The following PPFIBP1 variants were observed in gnomAD, a reference collection of about 807,000 sequenced individuals.
PPFIBP1 encodes PPFIB scaffold protein 1, also known as liprin-beta-1.
PPFIBP1 carries 112 observed loss-of-function variants against 137.8 expected under a neutral mutation model. The observed-to-expected ratio is 0.81, with a 90% CI of 0.70 to 0.95. PPFIBP1 has a LOEUF of 0.95. Among genes scored for constraint, PPFIBP1 ranks in the 40% least tolerant of loss-of-function variants. The probability of loss-of-function intolerance (pLI) is 0.00; values close to 1 mark genes in which losing one functional copy is unlikely to be tolerated. For synonymous variants in PPFIBP1, 378 were observed against 417.3 expected, an observed-to-expected ratio of 0.91 and a Z score of 1.15; for missense variants, 1,083 against 1,196.6, an observed-to-expected ratio of 0.91 and a Z score of 1.40.
At chr12:27,620,399 T>G (rs190653619) in intron 2 of PPFIBP1, among the ~76,000 whole-genome samples, 148 of 152,258 alleles carry the variant, frequency 9.7e-4, no homozygotes, top group African/African-American at 3.4e-3. Flanking sequence ...TACATGAAGC[T>G]CTCCCTTCTA....
intron 19 of PPFIBP1, 81 bp downstream of exon 19, chr12:27,677,177 C>G (rs2060571467): frequency 6.5e-7 from 1 of 1,533,018 alleles, no homozygotes; most frequent in Non-Finnish European, 9.0e-7. Context: ...TCTGTGATCT[C>G]TAGAAAGCGA....
At chr12:27,620,401 T>C (rs772634567) in intron 2 of PPFIBP1, among the ~76,000 whole-genome samples, 21 of 152,314 alleles carry the variant, frequency 1.4e-4, no homozygotes, top group East Asian at 1.9e-4. Context: ...CATGAAGCTC[T>C]CCCTTCTAGG....
intron 1 of PPFIBP1, among the ~76,000 whole-genome samples, chr12:27,534,694 A>G (rs1332090830): frequency 1.3e-5 from 2 of 152,200 alleles, no homozygotes; most frequent in East Asian, 3.8e-4. Context: ...GTGGTGAGAG[A>G]CAACTGGTTT....
At chr12:27,578,291 C>T (rs1337479816) in intron 2 of PPFIBP1, 52 bp downstream of exon 2, 2 of 152,190 alleles carry the variant, frequency 1.3e-5, no homozygotes, top group Non-Finnish European at 2.9e-5. Flanking sequence ...CTAAAACCTG[C>T]AATTTCCTCT....
Position 27,669,081 on chromosome 12 carries a change from T to C in PPFIBP1, c.1146+1761T>C, listed in dbSNP as rs546797577. Among the ~76,000 whole-genome samples the C allele has an allele frequency of 1.1e-4, 16 of 152,340 alleles. No individual in the cohort carries two copies. The South Asian group carries it at 3.3e-3, about 32-fold the overall frequency. ...ATTTTAGCAGTTCCTTTTTTGGTCA[T>C]TTCTCTTCTCACATTTTACTATAGG... On this transcript the variant is annotated intron_variant, in intron 13 of 29. Transcript: ENST00000228425.
rs56856599 is a variant in PPFIBP1, at chr12:27,693,294, G to A, written c.*412G>A. ...CATTATATGATTTCAGAATCAATAT[G>A]TGGAACTTCTTTAAGCATTCAGTGT... On this transcript the variant is annotated 3_prime_UTR_variant, in exon 30 of 30. Transcript: ENST00000228425. 3,778 of 155,712 alleles carry A rather than the reference G, an allele frequency of 0.024. 144 individuals are homozygous for A. The highest frequency in any genetic ancestry group is 0.086 in the African/African-American group (3,564 of 41,556). 9.6% of individuals were successfully genotyped at this position (155,712 alleles called of 1,614,324 possible). A position where few individuals can be genotyped will look rare whatever the true frequency, so the allele number is the denominator to read the frequency against.
intron 12 of PPFIBP1, among the ~76,000 whole-genome samples, chr12:27,664,893 A>G (rs1311359198): frequency 1.3e-5 from 2 of 152,180 alleles, no homozygotes; most frequent in Non-Finnish European, 2.9e-5. Flanking sequence ...GAAGGGTTTT[A>G]AAAGTCAGCA....
intron 2 of PPFIBP1, among the ~76,000 whole-genome samples, chr12:27,582,055 T>C (rs562793332): frequency 2.6e-4 from 40 of 152,176 alleles, no homozygotes; most frequent in African/African-American, 9.6e-4. Context: ...GCCATAGCAG[T>C]CTTTTCATTC....
At chr12:27,555,510 TC>T (rs2048637396) in intron 1 of PPFIBP1, among the ~76,000 whole-genome samples, 1 of 152,202 alleles carries the variant, frequency 6.6e-6, no homozygotes, top group African/African-American at 2.4e-5. Flanking sequence ...CAGTTATTTT[TC>T]CCCCTGATAT....
intron 1 of PPFIBP1, among the ~76,000 whole-genome samples, chr12:27,542,333 C>T (rs903890479): frequency 4.6e-5 from 7 of 152,060 alleles, no homozygotes; most frequent in Admixed American, 3.3e-4. Flanking sequence ...TTAGCATCTG[C>T]GGATTTGGGT....
At chr12:27,647,592 T>TAC (rs1220504577) in intron 5 of PPFIBP1, 137 bp from the exon 6 acceptor site, 10 of 559,644 alleles carry the variant, frequency 1.8e-5, no homozygotes, top group Non-Finnish European at 3.2e-5. Context: ...GTCTTCTTGG[T>TAC]ACTTCTCAGA....
intron 2 of PPFIBP1, among the ~76,000 whole-genome samples, chr12:27,618,276 C>G (rs148805297): frequency 1.3e-5 from 2 of 152,184 alleles, no homozygotes; most frequent in Admixed American, 1.3e-4. Context: ...CTCCTCTCGG[C>G]CAAGGGCATT....
intron 1 of PPFIBP1, among the ~76,000 whole-genome samples, chr12:27,572,349 A>G (rs2050218955): frequency 6.6e-6 from 1 of 152,188 alleles, no homozygotes; most frequent in South Asian, 2.1e-4. Context: ...GTTTACTTTT[A>G]TATAAAACTT....
intron 1 of PPFIBP1, among the ~76,000 whole-genome samples, chr12:27,556,125 A>G (rs2048684879): frequency 6.6e-6 from 1 of 152,210 alleles, no homozygotes; most frequent in African/African-American, 2.4e-5. Context: ...TGTGGTTGAT[A>G]TGCTAGTTTC....
At position 27,688,995 on chromosome 12, in the gene PPFIBP1, T is replaced by TG. The variant is rs2061359740; in HGVS notation, c.2497-20_2497-19insG. On this transcript the variant is annotated intron_variant, in intron 26 of 29. Transcript: ENST00000228425. The stretch of plus-strand genomic sequence containing the variant: ...ATTTGTGGTGACTTTTGACAAGCTT[T>TG]TTTTTTTTTCTTTAAACAGGTTCTA... 6.3e-7 allele frequency: 1 copy of TG among 1,585,032 alleles called. No individual in the cohort carries two copies. The highest frequency in any genetic ancestry group is 8.5e-7 in the Non-Finnish European group (1 of 1,170,424).
intron 1 of PPFIBP1, among the ~76,000 whole-genome samples, chr12:27,571,161 C>T (rs1350710739): frequency 6.6e-6 from 1 of 152,080 alleles, no homozygotes; most frequent in Non-Finnish European, 1.5e-5. Flanking sequence ...TTATTGGTAA[C>T]CACTCCTGTA....
At chr12:27,654,906 G>A (rs1347910710) in intron 8 of PPFIBP1, 92 bp downstream of exon 8, 3 of 1,455,928 alleles carry the variant, frequency 2.1e-6, no homozygotes, top group African/African-American at 2.9e-5. Context: ...TCTACTTAAT[G>A]TATGATAAAG....
intron 28 of PPFIBP1, 132 bp from the exon 29 acceptor site, chr12:27,692,459 C>G: frequency 1.3e-6 from 1 of 785,996 alleles, no homozygotes; most frequent in South Asian, 1.7e-5. Flanking sequence ...AGATTATCAC[C>G]AGAAGTGTTC....
chr12:27,676,376 GC>G, intron 17 of PPFIBP1, 51 bp from the exon 18 acceptor site: 1 of 1,371,950 alleles, frequency 7.3e-7, no homozygotes, highest in Non-Finnish European at 9.6e-7. Context: ...CCTGGCATGT[GC>G]TGAGGATGCT....
Sources: allele counts gnomAD v4.1 joint callset (sites outside exome capture counted in the v4.1 genomes callset), GRCh38; gene constraint gnomAD v4.1.1; transcripts MANE v1.5; gene names NCBI Gene and HGNC (gene_info 2026-07-23, HGNC 2026-07-21).